Variants in ZMAT4 observed in about 807,000 individuals in gnomAD.
ZMAT4 encodes zinc finger matrin-type 4.
ZMAT4 carries 17 observed loss-of-function variants against 28.7 expected under a neutral mutation model. That is an observed-to-expected ratio of 0.59 (90% CI 0.41 to 0.89). The LOEUF (loss-of-function observed/expected upper bound fraction) is 0.89. Ranked by LOEUF, ZMAT4 falls within the 40% of genes least tolerant of loss-of-function variation. The pLI, the probability that ZMAT4 is intolerant of heterozygous loss-of-function variation, is 0.00. For missense variants in ZMAT4, 240 were observed against 283.8 expected, an observed-to-expected ratio of 0.85 and a Z score of 1.11; for synonymous variants, 117 against 109.2, an observed-to-expected ratio of 1.07 and a Z score of -0.44.
intron 5 of ZMAT4, among the ~76,000 whole-genome samples, chr8:40,622,893 A>T (rs1156706599): frequency 6.6e-6 from 1 of 152,200 alleles, no homozygotes; most frequent in East Asian, 1.9e-4. Flanking sequence ...AACACTGGGG[A>T]TCAAATTTCA....
intron 2 of ZMAT4, among the ~76,000 whole-genome samples, chr8:40,819,944 A>C (rs1313537281): frequency 6.6e-6 from 1 of 152,108 alleles, no homozygotes; most frequent in Non-Finnish European, 1.5e-5. Flanking sequence ...GAAAGTCCTT[A>C]CTTAACATCA....
At chr8:40,837,659 A>G (rs1447514245) in intron 1 of ZMAT4, among the ~76,000 whole-genome samples, 1 of 152,200 alleles carries the variant, frequency 6.6e-6, no homozygotes, top group Non-Finnish European at 1.5e-5. Context: ...TCTCTGGGTC[A>G]TGGCACTAAA....
rs1563510624 is a variant in ZMAT4, at chr8:40,825,581, G to A, written c.96C>T (p.His32=). 1.3e-6 allele frequency: 2 copies of A among 1,552,384 alleles called. No individual in the cohort carries two copies. Among genetic ancestry groups the A allele is most frequent in the Non-Finnish European group, 1.7e-6 (2 of 1,147,274 alleles). Residue 32 remains histidine, a synonymous_variant, in exon 2 of 7, where the codon CAC becomes CAT. Coordinates refer to ENST00000297737, the MANE Select transcript of ZMAT4 (RefSeq NM_024645.3). ...QLISESQRVA[H]YESRKHASKV... ...TGGGAAACGCTGTCCTTACCTCGTA[G>A]TGGGCCACACGCTGCGATTCGGAGA...
chr8:40,734,893 C>T (rs1211380285), intron 3 of ZMAT4, among the ~76,000 whole-genome samples: 1 of 152,014 alleles, frequency 6.6e-6, no homozygotes, highest in Non-Finnish European at 1.5e-5. Context: ...GCAATAATGC[C>T]CTCTTGCTTG....
intron 4 of ZMAT4, among the ~76,000 whole-genome samples, chr8:40,695,480 C>T (rs1314524091): frequency 6.6e-6 from 1 of 152,248 alleles, no homozygotes; most frequent in Non-Finnish European, 1.5e-5. Flanking sequence ...TGAGCCATAG[C>T]TTTCGGTGCA....
intron 4 of ZMAT4, chr8:40,696,879 C>T (rs1315030637): frequency 1.8e-5 from 3 of 165,328 alleles, no homozygotes; most frequent in African/African-American, 4.8e-5. Flanking sequence ...CTCTCTATTA[C>T]ACATGACACA....
intron 5 of ZMAT4, among the ~76,000 whole-genome samples, chr8:40,648,165 G>T (rs561678841): frequency 6.6e-6 from 1 of 152,056 alleles, no homozygotes; most frequent in African/African-American, 2.4e-5. Context: ...CAAAGAACTT[G>T]AAAACTTTGA....
At position 40,734,391 on chromosome 8, in the gene ZMAT4, G is replaced by A. The variant is rs1015681941; in HGVS notation, c.192+33250C>T. On this transcript the variant is annotated intron_variant, in intron 3 of 6. Coordinates refer to ENST00000297737, the MANE Select transcript of ZMAT4 (RefSeq NM_024645.3). ...TATGTAATGTATCATCGGCACCTGC[G>A]TGTGAACCACAATTGACTTCGTGAG... 9.2e-5 allele frequency among the ~76,000 whole-genome samples: 14 copies of A among 152,156 alleles called. 1 individual carries two copies. Among genetic ancestry groups the A allele is most frequent in the African/African-American group, 2.7e-4 (11 of 41,448 alleles).
intron 5 of ZMAT4, among the ~76,000 whole-genome samples, chr8:40,621,584 G>A (rs1806199126): frequency 6.6e-6 from 1 of 152,174 alleles, no homozygotes; most frequent in South Asian, 2.1e-4. Flanking sequence ...TAGAGTTGAA[G>A]GAACAAGTAA....
chr8:40,686,405 G>A (rs1809409338), intron 4 of ZMAT4, among the ~76,000 whole-genome samples: 1 of 151,978 alleles, frequency 6.6e-6, no homozygotes, highest in South Asian at 2.1e-4. Flanking sequence ...TTCAAAGCTT[G>A]AGTAAGCTAT....
chr8:40,821,715 T>C (rs545733112), intron 2 of ZMAT4, among the ~76,000 whole-genome samples: 7 of 152,160 alleles, frequency 4.6e-5, no homozygotes, highest in Non-Finnish European at 7.3e-5. Context: ...TCCCCAACAA[T>C]ATGCCCTGAC....
chr8:40,773,272 G>A (rs1197296007), intron 2 of ZMAT4, among the ~76,000 whole-genome samples: 1 of 152,198 alleles, frequency 6.6e-6, no homozygotes. Flanking sequence ...CCAACATAGG[G>A]AAGGAAGAAG....
At chr8:40,687,244 G>A (rs1047137440) in intron 4 of ZMAT4, among the ~76,000 whole-genome samples, 2 of 152,182 alleles carry the variant, frequency 1.3e-5, no homozygotes, top group Admixed American at 6.5e-5. Context: ...ACACATAGAA[G>A]GTGACAGAAT....
rs1420097224 is a variant in ZMAT4, at chr8:40,751,753, T to C, written c.192+15888A>G. ...GAAGAGGATGACTTCGATAGGTGTATAATGAAAACCAGATGCAATTCTGTT... is the reference window on the plus strand; with the variant it reads ...GAAGAGGATGACTTCGATAGGTGTACAATGAAAACCAGATGCAATTCTGTT... On this transcript the variant is annotated intron_variant, in intron 3 of 6. Transcript: ENST00000297737. Among the ~76,000 whole-genome samples the C allele has an allele frequency of 3.3e-5, 5 of 152,186 alleles. No individual in the cohort carries two copies. The East Asian group carries it at 9.6e-4, about 29-fold the overall frequency.
rs191833091 is a variant in ZMAT4, at chr8:40,851,532, T to G, written c.-4-25852A>C. Among the ~76,000 whole-genome samples, 796 of 152,334 alleles carry G rather than the reference T, an allele frequency of 5.2e-3. 10 individuals are homozygous for G. Among genetic ancestry groups the G allele is most frequent in the African/African-American group, 0.018 (761 of 41,566 alleles). ...CCATAGTCAGGTAAGATGTTAACAC[T>G]GGGGAAAACCGAGTGAAGGGTTTAT... On this transcript the variant is annotated intron_variant, in intron 1 of 6. Coordinates refer to ENST00000297737, the MANE Select transcript of ZMAT4 (RefSeq NM_024645.3).
At chr8:40,870,998 G>A (rs1751961496) in intron 1 of ZMAT4, among the ~76,000 whole-genome samples, 1 of 152,104 alleles carries the variant, frequency 6.6e-6, no homozygotes, top group African/African-American at 2.4e-5. Flanking sequence ...TGTAAAGCAA[G>A]CCCCATAACC....
chr8:40,730,965 C>A (rs1811510873), intron 3 of ZMAT4, among the ~76,000 whole-genome samples: 1 of 152,184 alleles, frequency 6.6e-6, no homozygotes, highest in African/African-American at 2.4e-5. Flanking sequence ...ATCTCCCAGC[C>A]ACAGCCCCAT....
chr8:40,710,438 T>C (rs1206860237), intron 3 of ZMAT4, among the ~76,000 whole-genome samples: 1 of 152,132 alleles, frequency 6.6e-6, no homozygotes, highest in Non-Finnish European at 1.5e-5. Context: ...GTAATTGTGA[T>C]TTGAATTGGA....
At chr8:40,710,885 A>T (rs1426857996) in intron 3 of ZMAT4, among the ~76,000 whole-genome samples, 1 of 151,818 alleles carries the variant, frequency 6.6e-6, no homozygotes, top group Non-Finnish European at 1.5e-5. Flanking sequence ...GGTTCAAGCG[A>T]TTCTCCTGCC....
Sources: allele counts gnomAD v4.1 joint callset (sites outside exome capture counted in the v4.1 genomes callset), GRCh38; gene constraint gnomAD v4.1.1; transcripts MANE v1.5; gene names NCBI Gene and HGNC (gene_info 2026-07-23, HGNC 2026-07-21).